Variants in CRIM1 observed in about 807,000 individuals in gnomAD.
The protein encoded by CRIM1 is cysteine rich transmembrane BMP regulator 1.
Under a neutral mutation model 116.4 loss-of-function variants are expected in CRIM1, and 32 were observed. The ratio of observed to expected loss-of-function variants is 0.27; its 90% confidence interval spans 0.21 to 0.37. CRIM1 has a LOEUF of 0.37. Ranked by LOEUF, CRIM1 falls within the 10% of genes least tolerant of loss-of-function variation. The pLI, the probability that CRIM1 is intolerant of heterozygous loss-of-function variation, is 1.00. For missense variants in CRIM1, 1,331 were observed against 1,354.8 expected (o/e 0.98, Z 0.28); for synonymous variants, 590 against 509.2 (o/e 1.16, Z -2.13).
intron 1 of CRIM1, among the ~76,000 whole-genome samples, chr2:36,366,163 G>A (rs184820016): frequency 1.3e-5 from 2 of 152,288 alleles, no homozygotes; most frequent in South Asian, 2.1e-4. Flanking sequence ...GAAAGAACTT[G>A]ATGAAGAGAA....
chr2:36,418,514 T>C (rs958634490), intron 2 of CRIM1, among the ~76,000 whole-genome samples: 4 of 152,184 alleles, frequency 2.6e-5, no homozygotes, highest in African/African-American at 9.6e-5. Context: ...CTTGAACTCC[T>C]GGGCTCAGGC....
intron 1 of CRIM1, among the ~76,000 whole-genome samples, chr2:36,383,160 G>A (rs1288489768): frequency 6.6e-6 from 1 of 152,140 alleles, no homozygotes; most frequent in Non-Finnish European, 1.5e-5. Context: ...ACATATTTCT[G>A]TAGCATGTGG....
chr2:36,357,188 T>G lies in CRIM1; in HGVS notation c.331+565T>G, dbSNP rs1387452470. Among the ~76,000 whole-genome samples the G allele has an allele frequency of 1.3e-4, 20 of 152,194 alleles. 1 individual carries two copies. The highest frequency in any genetic ancestry group is 1.3e-3 in the Admixed American group (20 of 15,286). Reference sequence around the variant, plus strand: ...CTCCTCCTCCGCAGATAAATCAGTTTCAGCCGCGGAATATGTCAGCCCAGG... The same window carrying G: ...CTCCTCCTCCGCAGATAAATCAGTTGCAGCCGCGGAATATGTCAGCCCAGG... On this transcript the variant is annotated intron_variant, in intron 1 of 16. Coordinates refer to ENST00000280527, the MANE Select transcript of CRIM1 (RefSeq NM_016441.3).
chr2:36,498,545 G>A (rs1366603907), intron 7 of CRIM1, among the ~76,000 whole-genome samples: 1 of 152,110 alleles, frequency 6.6e-6, no homozygotes, highest in African/African-American at 2.4e-5. Context: ...ATGGTAAAGC[G>A]TCACCTCTGG....
intron 15 of CRIM1, 121 bp from the exon 16 acceptor site, chr2:36,546,863 T>A (rs575405685): frequency 1.7e-6 from 1 of 591,452 alleles, no homozygotes; most frequent in African/African-American, 1.9e-5. Context: ...ATCACATTTT[T>A]AGCCTCAAAA....
chr2:36,473,913 A>G (rs1189008380), intron 5 of CRIM1, among the ~76,000 whole-genome samples: 1 of 152,018 alleles, frequency 6.6e-6, no homozygotes, highest in Non-Finnish European at 1.5e-5. Flanking sequence ...GATAACTCAA[A>G]TTAAGGAACT....
At chr2:36,445,844 AC>A (rs1374684603) in intron 4 of CRIM1, among the ~76,000 whole-genome samples, 1 of 152,214 alleles carries the variant, frequency 6.6e-6, no homozygotes, top group African/African-American at 2.4e-5. Flanking sequence ...AAACTACGTA[AC>A]TTTATTCTTG....
rs531264752 is a variant in CRIM1 at position 36,541,973 on chromosome 2, TTG to T, written c.2624-2402_2624-2401del. Reference sequence around the variant, plus strand: ...TTTTTAACTGAAAGAATTGTTCTTTTTGGCAAAACTGCTCAGAGGCAGCTTCC... The same window carrying T: ...TTTTTAACTGAAAGAATTGTTCTTTTGCAAAACTGCTCAGAGGCAGCTTCC... On this transcript the variant is annotated intron_variant, in intron 14 of 16. Transcript: ENST00000280527. 5.3e-5 allele frequency among the ~76,000 whole-genome samples: 8 copies of T among 152,328 alleles called. No homozygotes were observed. The East Asian group carries it at 1.5e-3, about 29-fold the overall frequency.
chr2:36,473,426 T>G (rs2125031187), intron 5 of CRIM1, among the ~76,000 whole-genome samples: 1 of 152,282 alleles, frequency 6.6e-6, no homozygotes, highest in South Asian at 2.1e-4. Context: ...TTTCAGTGTA[T>G]GCTCAGAGTT....
intron 11 of CRIM1, among the ~76,000 whole-genome samples, 189 bp from the exon 12 acceptor site, chr2:36,517,138 T>A (rs1355512907): frequency 1.3e-5 from 2 of 152,232 alleles, no homozygotes; most frequent in Non-Finnish European, 1.5e-5. Context: ...CGTCCTAATA[T>A]TAGCTCTTTT....
intron 2 of CRIM1, among the ~76,000 whole-genome samples, chr2:36,413,396 A>G (rs75811486): frequency 0.014 from 2,093 of 152,280 alleles, 41 homozygotes; most frequent in African/African-American, 0.048. Flanking sequence ...TTTTTGGCAT[A>G]GTTACAACAG....
intron 8 of CRIM1, among the ~76,000 whole-genome samples, chr2:36,501,332 A>T (rs1680972139): frequency 6.6e-6 from 1 of 152,220 alleles, no homozygotes; most frequent in African/African-American, 2.4e-5. Context: ...TTTTTGAAGA[A>T]GATACAAAAT....
chr2:36,444,582 A>G (rs1676101216), intron 4 of CRIM1, among the ~76,000 whole-genome samples: 1 of 152,264 alleles, frequency 6.6e-6, no homozygotes, highest in African/African-American at 2.4e-5. Context: ...AAGAATGGCC[A>G]GAGTTAAATT....
chr2:36,410,545 AT>A (rs565417272), intron 2 of CRIM1, among the ~76,000 whole-genome samples: 13 of 149,718 alleles, frequency 8.7e-5, no homozygotes, highest in South Asian at 2.1e-4. Flanking sequence ...TAGAAAGTGG[AT>A]TTTTTTTTTC....
chr2:36,414,469 T>C (rs1572679179), intron 2 of CRIM1, among the ~76,000 whole-genome samples: 1 of 152,338 alleles, frequency 6.6e-6, no homozygotes, highest in East Asian at 1.9e-4. Context: ...CTGTGCTAGA[T>C]TCAGGGCAAA....
intron 3 of CRIM1, 57 bp downstream of exon 3, chr2:36,441,557 C>T: frequency 6.3e-7 from 1 of 1,581,414 alleles, no homozygotes; most frequent in Non-Finnish European, 8.6e-7. Context: ...GGTAGCAGAT[C>T]CCTCCTCAGC....
At position 36,549,424 on chromosome 2, in the gene CRIM1, G is replaced by A. The variant is rs1667592148; in HGVS notation, c.*723G>A. The A allele has an allele frequency of 6.6e-6, 1 of 152,164 alleles. No individual in the cohort carries two copies. The highest frequency in any genetic ancestry group is 2.1e-4 in the South Asian group (1 of 4,826). The allele number at this position is 152,164 out of a possible 1,614,324, so 9.4% of individuals were successfully genotyped here. ...AATCAATCAGCCAGTTCCTAGCAGAGTCAGCACATGAACAAGATCTAAGTC... is the reference window on the plus strand; with the variant it reads ...AATCAATCAGCCAGTTCCTAGCAGAATCAGCACATGAACAAGATCTAAGTC... On this transcript the variant is annotated 3_prime_UTR_variant, in exon 17 of 17. Coordinates refer to ENST00000280527, the MANE Select transcript of CRIM1 (RefSeq NM_016441.3).
intron 1 of CRIM1, among the ~76,000 whole-genome samples, chr2:36,388,611 T>C (rs1671345108): frequency 6.6e-6 from 1 of 152,046 alleles, no homozygotes; most frequent in African/African-American, 2.4e-5. Flanking sequence ...AGAGCTAAGG[T>C]TGTGGTCTCC....
chr2:36,445,618 A>G (rs1676181004), intron 4 of CRIM1, among the ~76,000 whole-genome samples: 1 of 152,212 alleles, frequency 6.6e-6, no homozygotes, highest in African/African-American at 2.4e-5. Flanking sequence ...CTCTGTATGC[A>G]TTAGTGCTGA....
Sources: gnomAD v4.1 joint callset for allele counts (sites outside exome capture counted in the v4.1 genomes callset) on GRCh38, gnomAD v4.1.1 for gene constraint, MANE v1.5 for transcripts, NCBI Gene and HGNC (gene_info 2026-07-23, HGNC 2026-07-21) for gene names.